Variants in SMAP2 observed in about 807,000 individuals in gnomAD.
SMAP2 encodes small ArfGAP2, also known as stromal membrane-associated protein 2.
SMAP2 carries 25 observed loss-of-function variants against 56.4 expected under a neutral mutation model. That is an observed-to-expected ratio of 0.44 (90% confidence interval 0.32 to 0.62). The LOEUF is 0.62. Among genes scored for constraint, SMAP2 ranks in the 20% least tolerant of loss-of-function variants. The pLI, the probability that SMAP2 is intolerant of heterozygous loss-of-function variation, is 0.04. For missense variants in SMAP2, 388 were observed against 545.6 expected (o/e 0.71, Z 2.88); for synonymous variants, 157 against 181.7 (o/e 0.86, Z 1.09).
At chr1:40,393,673 A>G (rs1014038848) in intron 1 of SMAP2, among the ~76,000 whole-genome samples, 1 of 150,900 alleles carries the variant, frequency 6.6e-6, no homozygotes, top group African/African-American at 2.4e-5. Context: ...AGCCTCCTGA[A>G]TAGTTAGTAT....
intron 1 of SMAP2, among the ~76,000 whole-genome samples, chr1:40,377,733 C>T (rs1241812333): frequency 6.6e-6 from 1 of 152,152 alleles, no homozygotes; most frequent in East Asian, 1.9e-4. Context: ...ACTTCTAGCT[C>T]AGCAGTTCCA....
chr1:40,370,858 A>T (rs1490071681), upstream of SMAP2, among the ~76,000 whole-genome samples: 1 of 30,584 alleles, frequency 3.3e-5, no homozygotes, highest in Non-Finnish European at 5.0e-5. Context: ...AAGTATAATA[A>T]AAAAAAAAAA....
At chr1:40,399,426 T>C (rs1232770089) in intron 1 of SMAP2, among the ~76,000 whole-genome samples, 1 of 149,100 alleles carries the variant, frequency 6.7e-6, no homozygotes, top group Non-Finnish European at 1.5e-5. Context: ...TCCCAAAGTG[T>C]TGGGATTACA....
intron 1 of SMAP2, among the ~76,000 whole-genome samples, chr1:40,393,190 G>T (rs1366290424): frequency 1.4e-5 from 2 of 144,304 alleles, no homozygotes; most frequent in Non-Finnish European, 3.1e-5. Flanking sequence ...GCCAGGCGTG[G>T]TAGCACATGC....
intron 6 of SMAP2, among the ~76,000 whole-genome samples, chr1:40,415,009 C>T (rs1190042669): frequency 6.6e-6 from 1 of 152,190 alleles, no homozygotes; most frequent in Non-Finnish European, 1.5e-5. Context: ...GCCAGCCAGC[C>T]CCCCACTGTG....
At chr1:40,405,654 C>G (rs1202612472) in intron 1 of SMAP2, among the ~76,000 whole-genome samples, 13 of 152,114 alleles carry the variant, frequency 8.5e-5, no homozygotes, top group Admixed American at 8.5e-4. Context: ...ATTTTTATAT[C>G]ACACTTATTT....
In SMAP2 at chr1:40,374,939, G is replaced by A. The variant is rs1334563738; in HGVS notation, c.103+716G>A. On this transcript the variant is annotated intron_variant, in intron 1 of 9. Transcript: ENST00000372718. This position sits in a 1 kb window ranked among gnomAD's most constrained non-coding sequence, Gnocchi z 5.9. The stretch of plus-strand genomic sequence containing the variant: ...GAAACTAGCCGATTATGCCTGTAGT[G>A]CAGGATCCGTTTAATCAGTGGAGAG... 2.0e-6 allele frequency: 2 copies of A among 985,254 alleles called. No individual in the cohort carries two copies. The highest frequency in any genetic ancestry group is 2.4e-6 in the Non-Finnish European group (2 of 829,932). The allele number at this position is 985,254 out of a possible 1,614,324, so 61.0% of individuals were successfully genotyped here. A position where few individuals can be genotyped will look rare whatever the true frequency, so the allele number is the denominator to read the frequency against.
At position 40,410,980 on chromosome 1, in the gene SMAP2, G is replaced by T. The variant is rs942955090; in HGVS notation, c.402+1145G>T. On this transcript the variant is annotated intron_variant, in intron 4 of 9. Transcript: ENST00000372718. Reference sequence around the variant, plus strand: ...TCATCTATTCTAGTTATGTAATAATGATATAATAGCCAGTGAAATCACTGT... The same window carrying T: ...TCATCTATTCTAGTTATGTAATAATTATATAATAGCCAGTGAAATCACTGT... 2.0e-5 allele frequency among the ~76,000 whole-genome samples: 3 copies of T among 152,200 alleles called. No homozygotes were observed. In the South Asian group the frequency reaches 6.2e-4, roughly 32 times the overall value.
intron 4 of SMAP2, among the ~76,000 whole-genome samples, chr1:40,410,947 CCTAT>C (rs1391558220): frequency 2.6e-5 from 4 of 152,180 alleles, no homozygotes; most frequent in African/African-American, 4.8e-5. Flanking sequence ...GCAGGTCCTA[CCTAT>C]CTATCATCTA....
chr1:40,411,280 C>A (rs1298038023), intron 4 of SMAP2, among the ~76,000 whole-genome samples: 1 of 152,180 alleles, frequency 6.6e-6, no homozygotes, highest in Non-Finnish European at 1.5e-5. Context: ...TGCATGGCAT[C>A]ATCAAAAACA....
At chr1:40,404,354 C>A (rs1644865207) in intron 1 of SMAP2, among the ~76,000 whole-genome samples, 1 of 152,102 alleles carries the variant, frequency 6.6e-6, no homozygotes, top group African/African-American at 2.4e-5. Flanking sequence ...AGAGGCTGTT[C>A]TTTGGCTTTT....
At chr1:40,361,952 A>C (rs2124177776) in intron 1 of SMAP2, among the ~76,000 whole-genome samples, 1 of 152,358 alleles carries the variant, frequency 6.6e-6, no homozygotes, top group East Asian at 1.9e-4. Flanking sequence ...GAGGCCAGTG[A>C]GGAGCGTTTA....
intron 1 of SMAP2, among the ~76,000 whole-genome samples, chr1:40,356,415 G>GTTT (rs1205631860): frequency 7.5e-6 from 1 of 134,134 alleles, no homozygotes; most frequent in Non-Finnish European, 1.6e-5. Context: ...GTTTTTTTTT[G>GTTT]TTTTTTTTTT....
intron 3 of SMAP2, 94 bp from the exon 4 acceptor site, chr1:40,409,663 G>A (rs1473993047): frequency 4.7e-6 from 4 of 850,380 alleles, no homozygotes; most frequent in Non-Finnish European, 7.7e-6. Flanking sequence ...CAAGAGGGAA[G>A]GAGGAGAACA....
chr1:40,351,644 C>T (rs540864940), intron 1 of SMAP2, among the ~76,000 whole-genome samples: 4 of 152,232 alleles, frequency 2.6e-5, no homozygotes, highest in African/African-American at 7.2e-5. Context: ...GCTGGGATTA[C>T]AGGCGTGCAC....
chr1:40,397,159 G>A (rs209598), intron 1 of SMAP2, among the ~76,000 whole-genome samples: 60,247 of 151,922 alleles, frequency 0.4, 12,635 homozygotes, highest in Non-Finnish European at 0.48. Flanking sequence ...TTCATTTTAC[G>A]TTTTCAGAAC....
Position 40,374,074 on chromosome 1 carries a change from G to C in SMAP2, c.-47G>C. 6.8e-7 allele frequency: 1 copy of C among 1,477,936 alleles called. No individual in the cohort carries two copies. The highest frequency in any genetic ancestry group is 9.4e-7 in the Non-Finnish European group (1 of 1,069,192). The allele number at this position is 1,477,936 out of a possible 1,614,324, so 91.6% of individuals were successfully genotyped here. Reference sequence around the variant, plus strand: ...CCCCGGACTGAGGCAGGGGTCTCTGGGGGCGAGGAGGGCGCGTCGCCCTCT... The same window carrying C: ...CCCCGGACTGAGGCAGGGGTCTCTGCGGGCGAGGAGGGCGCGTCGCCCTCT... On this transcript the variant is annotated 5_prime_UTR_variant, in exon 1 of 10. Transcript: ENST00000372718. This position sits in a 1 kb window ranked among gnomAD's most constrained non-coding sequence, Gnocchi z 5.9.
rs920293356 is a variant in SMAP2, at chr1:40,411,061, A to T, written c.402+1226A>T. 3.3e-5 allele frequency among the ~76,000 whole-genome samples: 5 copies of T among 152,196 alleles called. No individual in the cohort carries two copies. The East Asian group carries it at 7.7e-4, about 23-fold the overall frequency. ...TTAAAAGTTAAGCTAATTGGAATCC[A>T]CTTCAGGCTGATCTTATGAAGCTGT... On this transcript the variant is annotated intron_variant, in intron 4 of 9. Coordinates refer to ENST00000372718, the MANE Select transcript of SMAP2 (RefSeq NM_022733.3).
At chr1:40,420,952 G>T (rs993804140) in intron 9 of SMAP2, among the ~76,000 whole-genome samples, 1 of 151,948 alleles carries the variant, frequency 6.6e-6, no homozygotes, top group Non-Finnish European at 1.5e-5. Context: ...ATTCTTGAGC[G>T]TGTTCATTGT....
Sources: gnomAD v4.1 joint callset for allele counts (sites outside exome capture counted in the v4.1 genomes callset) on GRCh38, gnomAD v4.1.1 for gene constraint, Gnocchi (gnomAD v3.1) non-coding constraint, MANE v1.5 for transcripts, NCBI Gene and HGNC (gene_info 2026-07-23, HGNC 2026-07-21) for gene names.